Variants in ZCWPW2 observed in about 807,000 individuals in gnomAD.
ZCWPW2 encodes zinc finger CW-type and PWWP domain containing 2, also known as zinc finger CW-type PWWP domain protein 2.
A neutral mutation model predicts 46.6 loss-of-function variants in ZCWPW2; 45 were observed. That is an observed-to-expected ratio of 0.96 (90% CI 0.76 to 1.24). The LOEUF is 1.24. ZCWPW2 is among the 50% of genes most tolerant of loss of function. The pLI, the probability that ZCWPW2 is intolerant of heterozygous loss-of-function variation, is 0.00. For missense variants in ZCWPW2, 429 were observed against 403.9 expected (o/e 1.06, Z -0.53); for synonymous variants, 152 against 137.1 (o/e 1.11, Z -0.76).
chr3:28,508,869 T>C (rs965707611), intron 6 of ZCWPW2, among the ~76,000 whole-genome samples: 2 of 152,184 alleles, frequency 1.3e-5, no homozygotes, highest in African/African-American at 4.8e-5. Context: ...AAATTACAGA[T>C]TTATTGAGAT....
intron 4 of ZCWPW2, among the ~76,000 whole-genome samples, chr3:28,467,292 A>C (rs1379845284): frequency 6.7e-6 from 1 of 149,880 alleles, no homozygotes; most frequent in East Asian, 1.9e-4. Context: ...TACAAACTAC[A>C]AACAGAGGAG....
At chr3:28,367,915 C>A (rs1575054748) in intron 1 of ZCWPW2, among the ~76,000 whole-genome samples, 1 of 152,080 alleles carries the variant, frequency 6.6e-6, no homozygotes, top group African/African-American at 2.4e-5. Context: ...CTCTTCGTCT[C>A]TTTTGATCTT....
At position 28,509,548 on chromosome 3, in the gene ZCWPW2, A is replaced by G. The variant is rs558642294; in HGVS notation, c.658-4516A>G. Among the ~76,000 whole-genome samples, 4 of 152,160 alleles carry G rather than the reference A, an allele frequency of 2.6e-5. No individual in the cohort carries two copies. In the South Asian group the frequency reaches 8.3e-4, roughly 32 times the overall value. ...TCCTAGTGGGTTGAAGTGGTATGTCATTGTGGTCTTGATTTTCATTTCTCT... is the reference window on the plus strand; with the variant it reads ...TCCTAGTGGGTTGAAGTGGTATGTCGTTGTGGTCTTGATTTTCATTTCTCT... On this transcript the variant is annotated intron_variant, in intron 6 of 9. Transcript: ENST00000383768.
intron 3 of ZCWPW2, among the ~76,000 whole-genome samples, chr3:28,426,653 G>C (rs1252485638): frequency 6.6e-6 from 1 of 151,956 alleles, no homozygotes; most frequent in Non-Finnish European, 1.5e-5. Flanking sequence ...AATAATATGT[G>C]TATCTGAAAG....
chr3:28,358,791 G>T (rs1450110753), intron 1 of ZCWPW2, among the ~76,000 whole-genome samples: 1 of 152,006 alleles, frequency 6.6e-6, no homozygotes, highest in Non-Finnish European at 1.5e-5. Flanking sequence ...ATTGCTATCT[G>T]AATATTATGG....
At chr3:28,431,535 C>A (rs951684399) in intron 3 of ZCWPW2, among the ~76,000 whole-genome samples, 66 of 152,010 alleles carry the variant, frequency 4.3e-4, no homozygotes, top group African/African-American at 1.5e-3. Context: ...TTAGGGCCTA[C>A]CCTAATGAAC....
intron 5 of ZCWPW2, among the ~76,000 whole-genome samples, chr3:28,484,585 T>A (rs1699532289): frequency 6.6e-6 from 1 of 152,182 alleles, no homozygotes; most frequent in Non-Finnish European, 1.5e-5. Flanking sequence ...TAATGTTCCT[T>A]TATTTTCTTT....
chr3:28,351,465 T>G (rs1704546262), intron 1 of ZCWPW2: 1 of 151,628 alleles, frequency 6.6e-6, no homozygotes, highest in South Asian at 2.1e-4. Flanking sequence ...AACTTCTGAC[T>G]GTAGCTTAGC....
At chr3:28,447,789 T>A (rs1575146143) in intron 4 of ZCWPW2, 1 of 794,618 alleles carries the variant, frequency 1.3e-6, no homozygotes, top group East Asian at 2.6e-5. Context: ...AAAACTAGGC[T>A]TTCCTGAACC....
chr3:28,427,362 G>A (rs1057232260), intron 3 of ZCWPW2, among the ~76,000 whole-genome samples: 1 of 152,206 alleles, frequency 6.6e-6, no homozygotes, highest in African/African-American at 2.4e-5. Context: ...TGTAGGAGAT[G>A]AGGAGAAGTA....
intron 5 of ZCWPW2, among the ~76,000 whole-genome samples, chr3:28,486,085 A>T (rs140164249): frequency 6.6e-6 from 1 of 152,084 alleles, no homozygotes; most frequent in South Asian, 2.1e-4. Flanking sequence ...ACCAATTATC[A>T]GTTATACTTT....
chr3:28,458,017 G>C (rs1399635752), intron 4 of ZCWPW2, among the ~76,000 whole-genome samples: 2 of 152,054 alleles, frequency 1.3e-5, no homozygotes, highest in Non-Finnish European at 2.9e-5. Flanking sequence ...AATGACAAAT[G>C]GCAGTTTCTC....
At chr3:28,439,764 A>G (rs761530768) in intron 4 of ZCWPW2, among the ~76,000 whole-genome samples, 3 of 152,242 alleles carry the variant, frequency 2.0e-5, no homozygotes, top group Non-Finnish European at 4.4e-5. Context: ...ATCTTATGTC[A>G]CATGATAAAG....
At chr3:28,484,069 C>A (rs533570727) in intron 5 of ZCWPW2, among the ~76,000 whole-genome samples, 43 of 152,210 alleles carry the variant, frequency 2.8e-4, no homozygotes, top group Admixed American at 8.5e-4. Context: ...CTTAGCATGA[C>A]AGCTTCTAGT....
chr3:28,520,165 A>C (rs993666977), intron 8 of ZCWPW2, among the ~76,000 whole-genome samples: 6 of 151,880 alleles, frequency 4.0e-5, no homozygotes, highest in African/African-American at 1.4e-4. Context: ...CCACCACGCC[A>C]GGCTAATTTT....
At chr3:28,455,610 A>T (rs1454928594) in intron 4 of ZCWPW2, among the ~76,000 whole-genome samples, 1 of 150,754 alleles carries the variant, frequency 6.6e-6, no homozygotes, top group African/African-American at 2.4e-5. Context: ...GTGTTTTTAT[A>T]GTTTTGGGTT....
At chr3:28,403,167 A>G (rs1696017634) in intron 2 of ZCWPW2, among the ~76,000 whole-genome samples, 1 of 152,176 alleles carries the variant, frequency 6.6e-6, no homozygotes, top group South Asian at 2.1e-4. Context: ...TTCTCCAGAA[A>G]GTTCCTAGAA....
intron 6 of ZCWPW2, among the ~76,000 whole-genome samples, chr3:28,510,395 G>C (rs1032606657): frequency 1.3e-5 from 2 of 152,080 alleles, no homozygotes; most frequent in Non-Finnish European, 2.9e-5. Context: ...GTCCTTAAGA[G>C]GCTTGTGTAT....
chr3:28,383,785 A>G (rs1695178663), intron 1 of ZCWPW2, among the ~76,000 whole-genome samples: 1 of 152,118 alleles, frequency 6.6e-6, no homozygotes, highest in Non-Finnish European at 1.5e-5. Flanking sequence ...CACTTTTCTG[A>G]AAGTTCAGGG....
Sources: allele counts gnomAD v4.1 joint callset (sites outside exome capture counted in the v4.1 genomes callset), GRCh38; gene constraint gnomAD v4.1.1; transcripts MANE v1.5; gene names NCBI Gene and HGNC (gene_info 2026-07-23, HGNC 2026-07-21).